Variants in DYM observed in about 807,000 individuals in gnomAD.
The protein encoded by DYM is dyggve-Melchior-Clausen syndrome protein.
In DYM, 78 loss-of-function variants were observed where a neutral mutation model predicts 93.1. The ratio of observed to expected loss-of-function variants is 0.84; its 90% CI spans 0.70 to 1.01. The LOEUF is 1.01. Among genes scored for constraint, DYM ranks in the 50% least tolerant of loss-of-function variants. The pLI, the probability that DYM is intolerant of heterozygous loss-of-function variation, is 0.00. For missense variants in DYM, 789 were observed against 845.0 expected (o/e 0.93, Z 0.82); for synonymous variants, 321 against 319.7 (o/e 1.00, Z -0.04).
chr18:49,312,972 G>A (rs568329359), intron 8 of DYM, among the ~76,000 whole-genome samples: 19 of 152,244 alleles, frequency 1.2e-4, no homozygotes, highest in African/African-American at 3.9e-4. Flanking sequence ...GAGATAAGGC[G>A]TTATGTACAT....
At chr18:49,100,227 C>T (rs569541883) in intron 16 of DYM, among the ~76,000 whole-genome samples, 27 of 152,202 alleles carry the variant, frequency 1.8e-4, no homozygotes, top group Middle Eastern at 3.4e-3. Context: ...CATGCTTCTA[C>T]GGATGAACTG....
At chr18:49,375,231 T>C (rs910443270) in intron 5 of DYM, among the ~76,000 whole-genome samples, 2 of 130,944 alleles carry the variant, frequency 1.5e-5, no homozygotes, top group African/African-American at 6.2e-5. Context: ...CACACACACA[T>C]CTATACCTAC....
At chr18:49,158,154 C>T (rs1283168141) in intron 15 of DYM, among the ~76,000 whole-genome samples, 2 of 152,210 alleles carry the variant, frequency 1.3e-5, no homozygotes, top group Non-Finnish European at 2.9e-5. Flanking sequence ...AAGACTGCCA[C>T]AGTACCTCCC....
chr18:49,231,357 C>A (rs183633039), intron 13 of DYM, among the ~76,000 whole-genome samples: 22 of 152,196 alleles, frequency 1.4e-4, no homozygotes, highest in Middle Eastern at 6.8e-3. Flanking sequence ...AAAGAAAGCA[C>A]GAGATCTAGA....
chr18:49,355,896 C>T (rs536428586), intron 6 of DYM, among the ~76,000 whole-genome samples: 2 of 151,980 alleles, frequency 1.3e-5, no homozygotes, highest in African/African-American at 4.8e-5. Context: ...ATATAAACCA[C>T]TAGAACAGGT....
intron 17 of DYM, among the ~76,000 whole-genome samples, chr18:49,070,951 G>A (rs1031724414): frequency 6.6e-6 from 1 of 152,118 alleles, no homozygotes; most frequent in African/African-American, 2.4e-5. Flanking sequence ...CTCAATATTG[G>A]GTTTGGTGTT....
rs1234127521 is a variant in DYM at position 49,214,194 on chromosome 18, A to G, written c.1461-4479T>C. ...TGAAGCCTGTTAGGAACTGGGCTAC[A>G]TAGCAGTAGGTGAGTGGCAGTTGAA... On this transcript the variant is annotated intron_variant, in intron 13 of 17. Coordinates refer to ENST00000675505, the MANE Select transcript of DYM (RefSeq NM_001353214.3). Among the ~76,000 whole-genome samples, 3 of 152,244 alleles carry G rather than the reference A, an allele frequency of 2.0e-5. No homozygotes were observed. In the East Asian group the frequency reaches 5.8e-4, roughly 29 times the overall value.
Position 49,131,637 on chromosome 18 carries a change from G to C in DYM, c.1729-12711C>G, listed in dbSNP as rs190445552. 2.0e-5 allele frequency among the ~76,000 whole-genome samples: 3 copies of C among 152,234 alleles called. No individual in the cohort carries two copies. In the East Asian group the frequency reaches 5.8e-4, roughly 29 times the overall value. ...CCAAACACAGTCTTATTGGGGGTTA[G>C]GGCTTCAACATATTAATTTGGAGAA... On this transcript the variant is annotated intron_variant, in intron 15 of 17. Coordinates refer to ENST00000675505, the MANE Select transcript of DYM (RefSeq NM_001353214.3).
Position 49,215,225 on chromosome 18 carries a change from A to T in DYM, c.1461-5510T>A, listed in dbSNP as rs566790291. 2.6e-5 allele frequency among the ~76,000 whole-genome samples: 4 copies of T among 152,286 alleles called. No homozygotes were observed. In the South Asian group the frequency reaches 8.3e-4, roughly 32 times the overall value. Reference sequence around the variant, plus strand: ...AGATGAGGAAATTGTGAATTTCTTCATCTTTTCTTCTCTGATTGATATTAA... The same window carrying T: ...AGATGAGGAAATTGTGAATTTCTTCTTCTTTTCTTCTCTGATTGATATTAA... On this transcript the variant is annotated intron_variant, in intron 13 of 17. Coordinates refer to ENST00000675505, the MANE Select transcript of DYM (RefSeq NM_001353214.3).
At chr18:49,433,196 G>T (rs182318315) in intron 1 of DYM, among the ~76,000 whole-genome samples, 1 of 152,074 alleles carries the variant, frequency 6.6e-6, no homozygotes, top group Non-Finnish European at 1.5e-5. Context: ...TAGAACTGAC[G>T]GTTCACTTGA....
rs2070806364 is a variant in DYM, at chr18:49,039,005, A to G, written c.*5050T>C. On this transcript the variant is annotated 3_prime_UTR_variant, in exon 18 of 18. Transcript: ENST00000675505. ...TAGTCAATATTTATGTGTCATTTTC[A>G]TTGCTCTTCAATCTTTCCTAGGGCT... 1.3e-5 allele frequency among the ~76,000 whole-genome samples: 2 copies of G among 152,156 alleles called. No individual in the cohort carries two copies. Among genetic ancestry groups the G allele is most frequent in the African/African-American group, 4.8e-5 (2 of 41,444 alleles).
intron 1 of DYM, among the ~76,000 whole-genome samples, chr18:49,431,149 T>A (rs74973769): frequency 0.011 from 1,679 of 152,294 alleles, 31 homozygotes; most frequent in African/African-American, 0.039. Flanking sequence ...CTCAAGTAAT[T>A]ACCATGTGCT....
At chr18:49,225,721 C>T (rs146963387) in intron 13 of DYM, among the ~76,000 whole-genome samples, 164 of 152,098 alleles carry the variant, frequency 1.1e-3, no homozygotes, top group Non-Finnish European at 1.8e-3. Context: ...TAATCATATT[C>T]TCTGCTGATT....
At chr18:49,242,505 A>C (rs2094042391) in intron 13 of DYM, among the ~76,000 whole-genome samples, 1 of 152,238 alleles carries the variant, frequency 6.6e-6, no homozygotes, top group Non-Finnish European at 1.5e-5. Flanking sequence ...AAGTTTCCTG[A>C]GTAAGAAAAC....
intron 2 of DYM, among the ~76,000 whole-genome samples, chr18:49,396,386 C>T (rs1427475823): frequency 9.9e-5 from 15 of 152,112 alleles, no homozygotes; most frequent in Non-Finnish European, 2.9e-5. Context: ...AGACCAGGAG[C>T]ATTTCTGATT....
intron 17 of DYM, among the ~76,000 whole-genome samples, chr18:49,054,477 A>G (rs928660841): frequency 4.6e-5 from 7 of 152,206 alleles, no homozygotes; most frequent in African/African-American, 9.6e-5. Context: ...TCCTGACCTC[A>G]GGTGATCTGC....
intron 16 of DYM, among the ~76,000 whole-genome samples, chr18:49,104,391 G>T (rs1200765373): frequency 6.6e-6 from 1 of 152,110 alleles, no homozygotes; most frequent in African/African-American, 2.4e-5. Flanking sequence ...TTTCCTAATT[G>T]AATATCCTTT....
chr18:49,459,279 A>C (rs184019640), intron 1 of DYM, among the ~76,000 whole-genome samples: 2 of 152,304 alleles, frequency 1.3e-5, no homozygotes, highest in African/African-American at 4.8e-5. Context: ...CTAAAAGACT[A>C]GTTCTTCATT....
intron 17 of DYM, among the ~76,000 whole-genome samples, chr18:49,057,815 G>A (rs2075629393): frequency 6.6e-6 from 1 of 152,260 alleles, no homozygotes; most frequent in South Asian, 2.1e-4. Flanking sequence ...AATTCAAGAC[G>A]TCTGGATTTT....
Sources: gnomAD v4.1 joint callset for allele counts (sites outside exome capture counted in the v4.1 genomes callset) on GRCh38, gnomAD v4.1.1 for gene constraint, MANE v1.5 for transcripts, NCBI Gene and HGNC (gene_info 2026-07-23, HGNC 2026-07-21) for gene names.